The following OPA1 variants were observed in gnomAD, a reference collection of about 807,000 sequenced individuals.
OPA1 encodes OPA1 mitochondrial dynamin like GTPase.
In OPA1, 59 loss-of-function variants were observed where a neutral mutation model predicts 152.9. The observed-to-expected ratio is 0.39, with a 90% CI of 0.31 to 0.48. The LOEUF (loss-of-function observed/expected upper bound fraction) is 0.48, where lower values mean the gene tolerates loss of function less well. OPA1 is among the 20% of genes least tolerant of loss of function. The pLI, the probability that OPA1 is intolerant of heterozygous loss-of-function variation, is 0.96. For synonymous variants in OPA1, 400 were observed against 389.9 expected (o/e 1.03, Z -0.31); for missense variants, 1,008 against 1,216.8 (o/e 0.83, Z 2.55).
chr3:193,644,617 T>A (rs1440720714), intron 16 of OPA1, among the ~76,000 whole-genome samples: 1 of 152,168 alleles, frequency 6.6e-6, no homozygotes, highest in Non-Finnish European at 1.5e-5. Context: ...GCCTGCTGTG[T>A]TAACCCTTTT....
chr3:193,613,879 C>G (rs552764149), intron 1 of OPA1: 109 of 516,286 alleles, frequency 2.1e-4, no homozygotes, highest in African/African-American at 1.9e-3. Flanking sequence ...CACCCTGCCT[C>G]CTTCTTAAGA....
intron 26 of OPA1, among the ~76,000 whole-genome samples, 160 bp from the exon 27 acceptor site, chr3:193,664,720 G>A (rs1278168263): frequency 6.6e-6 from 1 of 152,022 alleles, no homozygotes; most frequent in Non-Finnish European, 1.5e-5. Flanking sequence ...CTTAAAAAAA[G>A]TAAGTGAATA....
intron 7 of OPA1, among the ~76,000 whole-genome samples, chr3:193,629,650 G>A (rs1285476700): frequency 2.0e-5 from 3 of 151,626 alleles, no homozygotes; most frequent in Non-Finnish European, 4.4e-5. Context: ...CAGCCTGGGC[G>A]ACTCCGTCTC....
intron 29 of OPA1, among the ~76,000 whole-genome samples, chr3:193,667,862 C>T (rs564300238): frequency 6.6e-6 from 1 of 152,026 alleles, no homozygotes; most frequent in Admixed American, 6.6e-5. Context: ...AAGTTTCACC[C>T]GTTGTCCCAG....
Position 193,648,193 on chromosome 3 carries a change from T to G in OPA1, c.1935+59T>G, listed in dbSNP as rs977678725. 1.8e-5 allele frequency: 23 copies of G among 1,310,162 alleles called. No individual in the cohort carries two copies. The South Asian group carries it at 2.6e-4, about 15-fold the overall frequency. 81.2% of individuals were successfully genotyped at this position (1,310,162 alleles called of 1,614,324 possible). A position where few individuals can be genotyped will look rare whatever the true frequency, so the allele number is the denominator to read the frequency against. ...TCTTAATTTAATGTTGTTTGCTAAC[T>G]AAATTTATGTTGAGAGAAAAATCTG... On this transcript the variant is annotated intron_variant, in intron 20 of 30. Transcript: ENST00000361510.
intron 29 of OPA1, among the ~76,000 whole-genome samples, chr3:193,670,130 T>C (rs1050937794): frequency 6.6e-6 from 1 of 152,130 alleles, no homozygotes; most frequent in Admixed American, 6.6e-5. Context: ...TCATGGATAC[T>C]TCAGCCAGAA....
chr3:193,610,480 G>T (rs1439791894), intron 1 of OPA1, among the ~76,000 whole-genome samples: 1 of 152,224 alleles, frequency 6.6e-6, no homozygotes, highest in Admixed American at 6.5e-5. Flanking sequence ...CTATTCGGGG[G>T]TCAGGGACCC....
At chr3:193,624,686 A>G (rs1012455880) in intron 6 of OPA1, among the ~76,000 whole-genome samples, 1 of 152,062 alleles carries the variant, frequency 6.6e-6, no homozygotes, top group African/African-American at 2.4e-5. Flanking sequence ...ACAAATATTG[A>G]ATTTCATTTG....
At chr3:193,604,218 C>T (rs1007514097) in intron 1 of OPA1, among the ~76,000 whole-genome samples, 3 of 152,156 alleles carry the variant, frequency 2.0e-5, no homozygotes, top group Admixed American at 2.0e-4. Flanking sequence ...GCACCGTGTT[C>T]CTGATTATTA....
Position 193,664,868 on chromosome 3 carries a change from T to C in OPA1, c.2662-12T>C, listed in dbSNP as rs747852419. ...ATACAGTAACTCTGGGCTTTCTTTT[T>C]TCTCATTTTAGATTAAGGATACTTG... On this transcript the variant is annotated splice_polypyrimidine_tract_variant and intron_variant, in intron 26 of 30. Transcript: ENST00000361510. 1 of 1,389,500 alleles carries C rather than the reference T, an allele frequency of 7.2e-7. No individual in the cohort carries two copies. Among genetic ancestry groups the C allele is most frequent in the Non-Finnish European group, 1.0e-6 (1 of 976,050 alleles). The allele number at this position is 1,389,500 out of a possible 1,614,324, so 86.1% of individuals were successfully genotyped here. A position where few individuals can be genotyped will look rare whatever the true frequency, so the allele number is the denominator to read the frequency against.
At chr3:193,649,291 T>A (rs545631423) in intron 21 of OPA1, among the ~76,000 whole-genome samples, 1 of 152,170 alleles carries the variant, frequency 6.6e-6, no homozygotes, top group Non-Finnish European at 1.5e-5. Flanking sequence ...TGTATACAAA[T>A]CACATTTTGA....
chr3:193,638,064 A>G lies in OPA1; in HGVS notation c.1148A>G (p.Lys383Arg), dbSNP rs398124303. Residue 383 changes from lysine (K) to arginine (R), a missense_variant and splice_region_variant, in exon 11 of 31, where the codon AAG becomes AGG. Physicochemically the swap from Lys to Arg is conservative, Grantham distance 26 (BLOSUM62 2). Coordinates refer to ENST00000361510, the MANE Select transcript of OPA1 (RefSeq NM_130837.3). ...SGEMMTRSPVKVTLSEGPHHV... is the reference protein window; with the variant it reads ...SGEMMTRSPVRVTLSEGPHHV... Reference sequence around the variant, plus strand: ...GAGATGATGACACGTTCTCCAGTTAAGGTAAGAACATAGGCCGTCTCAGTG... The same window carrying G: ...GAGATGATGACACGTTCTCCAGTTAGGGTAAGAACATAGGCCGTCTCAGTG... 6.2e-7 allele frequency: 1 copy of G among 1,610,768 alleles called. No individual in the cohort carries two copies. Among genetic ancestry groups the G allele is most frequent in the Non-Finnish European group, 8.5e-7 (1 of 1,177,030 alleles).
At chr3:193,690,484 G>A (rs2109450884) in intron 29 of OPA1, among the ~76,000 whole-genome samples, 1 of 152,088 alleles carries the variant, frequency 6.6e-6, no homozygotes, top group African/African-American at 2.4e-5. Context: ...AACATAGTGA[G>A]ACCTAGAAGT....
chr3:193,670,271 T>G (rs1717607610), intron 29 of OPA1, among the ~76,000 whole-genome samples: 1 of 152,224 alleles, frequency 6.6e-6, no homozygotes, highest in Non-Finnish European at 1.5e-5. Flanking sequence ...TACTACAGTT[T>G]CAGCCTGTTA....
At chr3:193,641,551 A>G (rs1033834438) in intron 11 of OPA1, among the ~76,000 whole-genome samples, 3 of 152,176 alleles carry the variant, frequency 2.0e-5, no homozygotes, top group Admixed American at 6.5e-5. Flanking sequence ...CGGAATTCCA[A>G]TCTTGTCTAC....
chr3:193,602,261 C>T (rs1305984592), intron 1 of OPA1, among the ~76,000 whole-genome samples: 1 of 152,082 alleles, frequency 6.6e-6, no homozygotes, highest in Non-Finnish European at 1.5e-5. Flanking sequence ...ACCCATGGTT[C>T]AAAGCCCTGA....
intron 21 of OPA1, 65 bp downstream of exon 21, chr3:193,648,936 A>T: frequency 9.1e-7 from 1 of 1,095,302 alleles, no homozygotes; most frequent in Non-Finnish European, 1.4e-6. Context: ...TGAAATGCTA[A>T]AACTTAGATT....
At chr3:193,668,480 G>A (rs73069731) in intron 29 of OPA1, 1 of 1,550,830 alleles carries the variant, frequency 6.4e-7, no homozygotes, top group African/African-American at 1.4e-5. Flanking sequence ...GACGCTTTGT[G>A]CCAGGTGCCT....
intron 8 of OPA1, 165 bp downstream of exon 8, chr3:193,631,830 TAAAG>T: frequency 1.5e-6 from 1 of 659,662 alleles, no homozygotes; most frequent in Non-Finnish European, 2.7e-6. Flanking sequence ...AAATAAGGAA[TAAAG>T]ACAGAACTAG....
Sources: allele counts gnomAD v4.1 joint callset (sites outside exome capture counted in the v4.1 genomes callset), GRCh38; gene constraint gnomAD v4.1.1; transcripts MANE v1.5; gene names NCBI Gene and HGNC (gene_info 2026-07-23, HGNC 2026-07-21).